SLC6A17: variants seen among roughly 807,000 people sequenced by gnomAD.
SLC6A17 encodes sodium-dependent neutral amino acid transporter SLC6A17.
A neutral mutation model predicts 64.5 loss-of-function variants in SLC6A17; 21 were observed. The ratio of observed to expected loss-of-function variants is 0.33; its 90% CI spans 0.23 to 0.47. SLC6A17 has a LOEUF of 0.47. Among genes scored for constraint, SLC6A17 ranks in the 20% least tolerant of loss-of-function variants. The pLI, the probability that SLC6A17 is intolerant of heterozygous loss-of-function variation, is 1.00. For synonymous variants in SLC6A17, 372 were observed against 399.5 expected, an observed-to-expected ratio of 0.93 and a Z score of 0.82; for missense variants, 682 against 963.2, an observed-to-expected ratio of 0.71 and a Z score of 3.86.
intron 6 of SLC6A17, among the ~76,000 whole-genome samples, chr1:110,181,985 G>A (rs1001702606): frequency 6.6e-6 from 1 of 152,180 alleles, no homozygotes; most frequent in Non-Finnish European, 1.5e-5. Context: ...CTCAGCAGAG[G>A]AGTAGCATGA....
chr1:110,151,507 G>C (rs1655605492), intron 1 of SLC6A17, among the ~76,000 whole-genome samples: 1 of 152,246 alleles, frequency 6.6e-6, no homozygotes, highest in South Asian at 2.1e-4. Flanking sequence ...GGGGACGTGC[G>C]TGTGGTGCCC....
At position 110,192,272 on chromosome 1, in the gene SLC6A17, G is replaced by T; in HGVS notation, c.1106+59G>T. The T allele has an allele frequency of 6.4e-7, 1 of 1,569,634 alleles. No homozygotes were observed. Among genetic ancestry groups the T allele is most frequent in the Non-Finnish European group, 8.7e-7 (1 of 1,154,798 alleles). ...CCCTGTCTACCTTACCTGGGAGTGG[G>T]CAGGGGTGGGGGCGCAGGTGTGCAT... On this transcript the variant is annotated intron_variant, in intron 7 of 11. Transcript: ENST00000331565. The surrounding 1 kb of genome is among the most constrained non-coding windows in gnomAD (Gnocchi z 4.3).
intron 2 of SLC6A17, among the ~76,000 whole-genome samples, chr1:110,170,312 G>C (rs868007588): frequency 6.6e-6 from 1 of 152,034 alleles, no homozygotes; most frequent in Non-Finnish European, 1.5e-5. Flanking sequence ...GTGAAACCCC[G>C]TCTCTACTAA....
intron 5 of SLC6A17, 122 bp from the exon 6 acceptor site, chr1:110,176,507 T>C: frequency 2.2e-6 from 2 of 908,016 alleles, no homozygotes; most frequent in South Asian, 2.9e-5. Context: ...GCCCAGGGGT[T>C]CCAGGGCTCT....
At position 110,167,190 on chromosome 1, in the gene SLC6A17, C is replaced by T; in HGVS notation, c.261C>T (p.Pro87=). ...GCCTCGGCAACATCTGGAGGTTCCCCTACCTGTGCCAGAAAAATGGAGGAG... is the reference window on the plus strand; with the variant it reads ...GCCTCGGCAACATCTGGAGGTTCCCTTACCTGTGCCAGAAAAATGGAGGAG... ...SVGLGNIWRF[P]YLCQKNGGGA... is the part of the protein sequence containing the mutation. The change falls in exon 2 of 12, where the codon CCC becomes CCT. Residue 87 remains proline (P), a synonymous_variant. Coordinates refer to ENST00000331565, the MANE Select transcript of SLC6A17 (RefSeq NM_001010898.4). 6.2e-7 allele frequency: 1 copy of T among 1,612,546 alleles called. No homozygotes were observed. Among genetic ancestry groups the T allele is most frequent in the Non-Finnish European group, 8.5e-7 (1 of 1,178,956 alleles).
intron 9 of SLC6A17, chr1:110,195,049 C>T (rs941104229): frequency 1.2e-5 from 6 of 497,918 alleles, no homozygotes; most frequent in African/African-American, 5.8e-5. Flanking sequence ...CCTGCTGAGT[C>T]GTCTTGGGAA....
chr1:110,197,379 GA>G, intron 10 of SLC6A17, 57 bp from the exon 11 acceptor site: 1 of 1,555,738 alleles, frequency 6.4e-7, no homozygotes, highest in Non-Finnish European at 8.7e-7. Flanking sequence ...GGTGATGGGG[GA>G]AGAGGGAGGT....
intron 1 of SLC6A17, among the ~76,000 whole-genome samples, chr1:110,158,244 AT>A (rs1655812313): frequency 6.6e-6 from 1 of 152,102 alleles, no homozygotes; most frequent in Admixed American, 6.5e-5. Flanking sequence ...ATTTAAAAAT[AT>A]TTTAAATGCC....
chr1:110,177,232 C>T (rs1032572101), intron 6 of SLC6A17, among the ~76,000 whole-genome samples: 1 of 152,128 alleles, frequency 6.6e-6, no homozygotes, highest in Non-Finnish European at 1.5e-5. Context: ...TCCCCTTGTA[C>T]CCAAATCAGA....
chr1:110,173,898 G>GTA lies in SLC6A17; in HGVS notation c.445-75_445-74insTA. ...GTGTTTATGGCGCTGCCGACGTGCT[G>GTA]GGCCTCGGGTGGAGCGTGGGGGCAG... On this transcript the variant is annotated intron_variant, in intron 3 of 11. Coordinates refer to ENST00000331565, the MANE Select transcript of SLC6A17 (RefSeq NM_001010898.4). 6 of 1,529,202 alleles carry GTA rather than the reference G, an allele frequency of 3.9e-6. No individual in the cohort carries two copies. The South Asian group carries it at 4.0e-5, about 10-fold the overall frequency. 94.7% of individuals were successfully genotyped at this position (1,529,202 alleles called of 1,614,324 possible). A position where few individuals can be genotyped will look rare whatever the true frequency, so the allele number is the denominator to read the frequency against.
At chr1:110,186,663 A>AGT (rs1391027394) in intron 6 of SLC6A17, among the ~76,000 whole-genome samples, 1 of 114,408 alleles carries the variant, frequency 8.7e-6, no homozygotes, top group Non-Finnish European at 2.0e-5. Flanking sequence ...GCTTTTGTCT[A>AGT]GTCTCTCTCT....
At position 110,199,163 on chromosome 1, in the gene SLC6A17, G is replaced by C. The variant is rs931993214; in HGVS notation, c.*719G>C. On this transcript the variant is annotated 3_prime_UTR_variant, in exon 12 of 12. Coordinates refer to ENST00000331565, the MANE Select transcript of SLC6A17 (RefSeq NM_001010898.4). ...GTCCTTGGCCCTGCCTGGGGTGTGTGGTGTGTGCTCCTGCATCTTGTCTGG... is the reference window on the plus strand; with the variant it reads ...GTCCTTGGCCCTGCCTGGGGTGTGTCGTGTGTGCTCCTGCATCTTGTCTGG... 2.0e-5 allele frequency: 3 copies of C among 152,708 alleles called. No homozygotes were observed. The highest frequency in any genetic ancestry group is 7.2e-5 in the African/African-American group (3 of 41,444). The allele number at this position is 152,708 out of a possible 1,614,324, so 9.5% of individuals were successfully genotyped here.
In SLC6A17 at chr1:110,191,868, G is replaced by A. The variant is rs185243324; in HGVS notation, c.865-104G>A. 5,478 of 1,513,168 alleles carry A rather than the reference G, an allele frequency of 3.6e-3. 20 individuals are homozygous for A. Among genetic ancestry groups the A allele is most frequent in the Non-Finnish European group, 4.4e-3 (4,942 of 1,130,292 alleles). 93.7% of individuals were successfully genotyped at this position (1,513,168 alleles called of 1,614,324 possible). A position where few individuals can be genotyped will look rare whatever the true frequency, so the allele number is the denominator to read the frequency against. ...ACACAGCTTCTTACCACTATGGGCT[G>A]CTGCCTCTGAACTCTGTTGAGGCTG... is the stretch of plus-strand genomic sequence containing the variant. On this transcript the variant is annotated intron_variant, in intron 6 of 11. Transcript: ENST00000331565.
At chr1:110,154,319 T>C (rs1410468427) in intron 1 of SLC6A17, among the ~76,000 whole-genome samples, 1 of 152,216 alleles carries the variant, frequency 6.6e-6, no homozygotes. Context: ...ACTCTATCAG[T>C]CCAAACTTCA....
chr1:110,152,859 C>G (rs1025267419), intron 1 of SLC6A17, among the ~76,000 whole-genome samples: 1 of 152,180 alleles, frequency 6.6e-6, no homozygotes, highest in African/African-American at 2.4e-5. Context: ...CCTTATGGGC[C>G]TTAACCAGAG....
At chr1:110,159,061 T>C (rs780050045) in intron 1 of SLC6A17, among the ~76,000 whole-genome samples, 4 of 152,232 alleles carry the variant, frequency 2.6e-5, no homozygotes, top group Non-Finnish European at 5.9e-5. Flanking sequence ...GTAACAGTGG[T>C]ATCTACCTGA....
At position 110,164,834 on chromosome 1, in the gene SLC6A17, CAT is replaced by C. The variant is rs891470220; in HGVS notation, c.-87-2008_-87-2007del. 1.6e-4 allele frequency among the ~76,000 whole-genome samples: 25 copies of C among 152,334 alleles called. 1 individual carries two copies. The highest frequency in any genetic ancestry group is 2.9e-4 in the African/African-American group (12 of 41,582). On this transcript the variant is annotated intron_variant, in intron 1 of 11. Coordinates refer to ENST00000331565, the MANE Select transcript of SLC6A17 (RefSeq NM_001010898.4). ...ACTCACTAGGCTATTTATGGAGAAA[CAT>C]GTGCTCCAATTGGTCAGCAGCAAGA...
In SLC6A17 at chr1:110,174,104, G is replaced by T; in HGVS notation, c.571+5G>T. The T allele has an allele frequency of 6.2e-7, 1 of 1,613,914 alleles. No individual in the cohort carries two copies. The highest frequency in any genetic ancestry group is 8.5e-7 in the Non-Finnish European group (1 of 1,179,898). ...TCAGGAATGGGAGCGTGGCAGGCAA[G>T]TATGGGGCCCAGCTGGGGATGCCAG... On this transcript the variant is annotated splice_donor_5th_base_variant and intron_variant, in intron 4 of 11. Coordinates refer to ENST00000331565, the MANE Select transcript of SLC6A17 (RefSeq NM_001010898.4).
chr1:110,166,759 A>T, intron 1 of SLC6A17, 84 bp from the exon 2 acceptor site: 2 of 748,038 alleles, frequency 2.7e-6, no homozygotes, highest in Non-Finnish European at 4.1e-6. Context: ...TGTGATGGGG[A>T]GTTAATTTGG....
Sources: allele counts gnomAD v4.1 joint callset (sites outside exome capture counted in the v4.1 genomes callset), GRCh38; gene constraint gnomAD v4.1.1; non-coding constraint Gnocchi (gnomAD v3.1); transcripts MANE v1.5; gene names NCBI Gene and HGNC (gene_info 2026-07-23, HGNC 2026-07-21).